The following ACAN variants were observed in gnomAD, a reference collection of about 807,000 sequenced individuals.
ACAN encodes aggrecan.
ACAN carries 47 observed loss-of-function variants against 169.1 expected under a neutral mutation model. The ratio of observed to expected loss-of-function variants is 0.28; its 90% confidence interval spans 0.22 to 0.35. The LOEUF (loss-of-function observed/expected upper bound fraction) is 0.35, where lower values mean the gene tolerates loss of function less well. Among genes scored for constraint, ACAN ranks in the 10% least tolerant of loss-of-function variants. The probability of loss-of-function intolerance (pLI) is 1.00; values close to 1 mark genes in which losing one functional copy is unlikely to be tolerated. For synonymous variants in ACAN, 1,115 were observed against 1,112.2 expected, an observed-to-expected ratio of 1.00 and a Z score of -0.05; for missense variants, 2,716 against 2,759.9, an observed-to-expected ratio of 0.98 and a Z score of 0.36.
chr15:88,858,434 C>G lies in ACAN; in HGVS notation c.5849C>G (p.Thr1950Arg), dbSNP rs763076469. ...GTGGAATCTGTAACCCAGGCTCCAA[C>G]AGCCCAAGAGGCAGGAGAAGGGCCT... ...TLVESVTQAP[T>R]AQEAGEGPSG... The change falls in exon 12 of 19, where the codon ACA becomes AGA. Residue 1950 changes from threonine to arginine, a missense_variant. Thr to Arg is a moderately conservative substitution (Grantham distance 71). Transcript: ENST00000560601. The surrounding 1 kb of genome is among the most constrained non-coding windows in gnomAD (Gnocchi z 4.0). The G allele has an allele frequency of 9.3e-6, 15 of 1,613,598 alleles. No individual in the cohort carries two copies. The highest frequency in any genetic ancestry group is 1.3e-5 in the Non-Finnish European group (15 of 1,179,906).
chr15:88,874,546 AC>A lies in ACAN; in HGVS notation c.*68del. The A allele has an allele frequency of 7.2e-7, 1 of 1,391,368 alleles. No individual in the cohort carries two copies. Among genetic ancestry groups the A allele is most frequent in the Non-Finnish European group, 1.0e-6 (1 of 999,610 alleles). 86.2% of individuals were successfully genotyped at this position (1,391,368 alleles called of 1,614,324 possible). Reference sequence around the variant, plus strand: ...AGCCTGCCAGGCTGACGTGCATCCCACCCAGACGGTGTCCTCTTCTTGTCGC... The same window carrying A: ...AGCCTGCCAGGCTGACGTGCATCCCACCAGACGGTGTCCTCTTCTTGTCGC... On this transcript the variant is annotated 3_prime_UTR_variant, in exon 19 of 19. Transcript: ENST00000560601. This position sits in a 1 kb window ranked among gnomAD's most constrained non-coding sequence, Gnocchi z 7.3.
rs1897369352 is a variant in ACAN at position 88,871,155 on chromosome 15, G to A, written c.7061-227G>A. Among the ~76,000 whole-genome samples the A allele has an allele frequency of 6.6e-6, 1 of 152,036 alleles. No individual in the cohort carries two copies. Among genetic ancestry groups the A allele is most frequent in the South Asian group, 2.1e-4 (1 of 4,830 alleles). On this transcript the variant is annotated intron_variant, in intron 14 of 18. Transcript: ENST00000560601. The surrounding 1 kb of genome is among the most constrained non-coding windows in gnomAD (Gnocchi z 7.8). ...GGTGAGGGGGGAGGGCGTGGCATCA[G>A]GGAAGGAAAGGGCCCCTGGCATTTT...
chr15:88,865,383 A>G (rs1421003512), intron 13 of ACAN, among the ~76,000 whole-genome samples: 1 of 152,056 alleles, frequency 6.6e-6, no homozygotes, highest in African/African-American at 2.4e-5. Flanking sequence ...TGTCTCCCCA[A>G]CACCCAGGTT....
intron 1 of ACAN, among the ~76,000 whole-genome samples, chr15:88,819,525 G>A (rs1032118593): frequency 4.6e-5 from 7 of 151,068 alleles, no homozygotes; most frequent in Non-Finnish European, 4.4e-5. Flanking sequence ...CACTTTGGAA[G>A]GTTGAGGTGG....
rs551596097 is a variant in ACAN, at chr15:88,849,207, C to T, written c.1733-231C>T. On this transcript the variant is annotated intron_variant, in intron 9 of 18. Coordinates refer to ENST00000560601, the MANE Select transcript of ACAN (RefSeq NM_001369268.1). This position sits in a 1 kb window ranked among gnomAD's most constrained non-coding sequence, Gnocchi z 5.1. ...ACGGGAATTTTGCCTTTTTTGGCAC[C>T]GAAAGTCCTATGTACCGGGAAACCC... Among the ~76,000 whole-genome samples, 4 of 152,252 alleles carry T rather than the reference C, an allele frequency of 2.6e-5. No individual in the cohort carries two copies. The highest frequency in any genetic ancestry group is 6.5e-5 in the Admixed American group (1 of 15,296).
Position 88,858,038 on chromosome 15 carries a change from G to A in ACAN, c.5453G>A (p.Gly1818Asp), listed in dbSNP as rs776385464. ...TCAGGAGTCCCTGACCTGGTTTCTG[G>A]TACCACGAGTGGCAGCGGTGAATCT... ...ATSGVPDLVS[G>D]TTSGSGESSG... Residue 1818 changes from glycine (G) to aspartate (D), a missense_variant, in exon 12 of 19, where the codon GGT (glycine) becomes GAT (aspartate). Around this residue, in one of 3 missense-constraint regions of ACAN, gnomAD observed 1,389 missense variants for 1,363.7 expected, o/e 1.02. Coordinates refer to ENST00000560601, the MANE Select transcript of ACAN (RefSeq NM_001369268.1). This position sits in a 1 kb window ranked among gnomAD's most constrained non-coding sequence, Gnocchi z 4.0. 6.2e-7 allele frequency: 1 copy of A among 1,613,962 alleles called. No homozygotes were observed. Among genetic ancestry groups the A allele is most frequent in the Non-Finnish European group, 8.5e-7 (1 of 1,179,902 alleles).
In ACAN at chr15:88,874,582, T is replaced by C. The variant is rs1003544994; in HGVS notation, c.*101T>C. ...GTCCTCTTCTTGTCGCTTTTTGTCA[T>C]ATAAGGAATCCCATTAAAGAAGGAA... On this transcript the variant is annotated 3_prime_UTR_variant, in exon 19 of 19. Transcript: ENST00000560601. This position sits in a 1 kb window ranked among gnomAD's most constrained non-coding sequence, Gnocchi z 7.3. 1.8e-6 allele frequency: 2 copies of C among 1,131,418 alleles called. No individual in the cohort carries two copies. Among genetic ancestry groups the C allele is most frequent in the African/African-American group, 1.5e-5 (1 of 64,790 alleles). The allele number at this position is 1,131,418 out of a possible 1,614,324, so 70.1% of individuals were successfully genotyped here.
intron 13 of ACAN, among the ~76,000 whole-genome samples, chr15:88,867,626 G>A (rs1407136129): frequency 6.6e-6 from 1 of 152,172 alleles, no homozygotes; most frequent in East Asian, 1.9e-4. Flanking sequence ...TGCAGCCCAA[G>A]AACTCTGATG....
intron 1 of ACAN, among the ~76,000 whole-genome samples, chr15:88,821,878 T>A (rs975499888): frequency 6.6e-6 from 1 of 152,122 alleles, no homozygotes; most frequent in Non-Finnish European, 1.5e-5. Context: ...CAGTTACGGT[T>A]TATTACAGCA....
intron 1 of ACAN, among the ~76,000 whole-genome samples, chr15:88,811,937 T>C (rs1895831490): frequency 1.3e-5 from 2 of 148,770 alleles, no homozygotes; most frequent in Admixed American, 1.3e-4. Flanking sequence ...GCAGCCTTGT[T>C]CTGAGATTCC....
chr15:88,850,127 T>G lies in ACAN; in HGVS notation c.2026+396T>G. Reference sequence around the variant, plus strand: ...GGCATAGTGCCTGGGACACAGTAAATGCTCAATAAATGTTAGCTTTATTTC... The same window carrying G: ...GGCATAGTGCCTGGGACACAGTAAAGGCTCAATAAATGTTAGCTTTATTTC... On this transcript the variant is annotated intron_variant, in intron 10 of 18. Coordinates refer to ENST00000560601, the MANE Select transcript of ACAN (RefSeq NM_001369268.1). 3.9e-6 allele frequency: 2 copies of G among 511,062 alleles called. 1 individual carries two copies. The highest frequency in any genetic ancestry group is 6.6e-5 in the South Asian group (2 of 30,416). The allele number at this position is 511,062 out of a possible 1,614,324, so 31.7% of individuals were successfully genotyped here. A position where few individuals can be genotyped will look rare whatever the true frequency, so the allele number is the denominator to read the frequency against.
chr15:88,809,983 G>A (rs961002146), intron 1 of ACAN, among the ~76,000 whole-genome samples: 5 of 152,212 alleles, frequency 3.3e-5, no homozygotes, highest in Admixed American at 6.5e-5. Context: ...GGTGGATTTG[G>A]GTAAACTGTC....
At chr15:88,829,885 T>TC (rs2141540197) in intron 1 of ACAN, among the ~76,000 whole-genome samples, 1 of 152,348 alleles carries the variant, frequency 6.6e-6, no homozygotes, top group Non-Finnish European at 1.5e-5. Flanking sequence ...GACTTGATTT[T>TC]CAAACTCTAG....
chr15:88,840,320 C>T (rs1422320189), intron 4 of ACAN, 134 bp downstream of exon 4: 12 of 1,139,450 alleles, frequency 1.1e-5, no homozygotes, highest in South Asian at 3.5e-5. Context: ...GGTTAGAGGC[C>T]GTGGTCACAC....
rs535542628 is a variant in ACAN, at chr15:88,861,642, G to A, written c.6946+1203G>A. ...GGGTGGGCTATCCTGGGAAGGTCCC[G>A]GGCTTACTGCAGAAGGGGACAGCAT... On this transcript the variant is annotated intron_variant, in intron 13 of 18. Transcript: ENST00000560601. This position sits in a 1 kb window ranked among gnomAD's most constrained non-coding sequence, Gnocchi z 6.3. Among the ~76,000 whole-genome samples the A allele has an allele frequency of 1.9e-4, 29 of 152,138 alleles. No individual in the cohort carries two copies. Among genetic ancestry groups the A allele is most frequent in the Middle Eastern group, 3.4e-3 (1 of 294 alleles).
intron 1 of ACAN, among the ~76,000 whole-genome samples, chr15:88,817,791 T>C (rs1235064139): frequency 7.4e-6 from 1 of 135,280 alleles, no homozygotes; most frequent in East Asian, 2.2e-4. Flanking sequence ...GAGGCGGAGG[T>C]TGCAGTGAGC....
rs35652696 is a variant in ACAN, at chr15:88,849,571, C to T, written c.1866C>T (p.Cys622=). 5.3e-3 allele frequency: 8,544 copies of T among 1,607,860 alleles called. 386 individuals are homozygous for T. The African/African-American group carries it at 0.1, about 19-fold the overall frequency. Residue 622 remains cysteine, a synonymous_variant, in exon 10 of 19, where the codon TGC becomes TGT. Coordinates refer to ENST00000560601, the MANE Select transcript of ACAN (RefSeq NM_001369268.1). The surrounding 1 kb of genome is among the most constrained non-coding windows in gnomAD (Gnocchi z 5.1). ...YAAWSRGLDK[C]YAGWLADGSL... is the part of the protein sequence containing the mutation. ...CCTGGAGCCGCGGCCTGGACAAGTG[C>T]TATGCCGGCTGGCTGGCCGACGGCA...
In ACAN at chr15:88,858,714, G is replaced by T; in HGVS notation, c.6129G>T (p.Glu2043Asp). 6.2e-7 allele frequency: 1 copy of T among 1,613,924 alleles called. No homozygotes were observed. Among genetic ancestry groups the T allele is most frequent in the Non-Finnish European group, 8.5e-7 (1 of 1,179,892 alleles). Residue 2043 changes from glutamate to aspartate, a missense_variant, in exon 12 of 19, where the codon GAG becomes GAT. By Grantham distance (45) the Glu-to-Asp change is conservative. Around this residue, in one of 3 missense-constraint regions of ACAN, gnomAD observed 1,389 missense variants for 1,363.7 expected, o/e 1.02. Transcript: ENST00000560601. This position sits in a 1 kb window ranked among gnomAD's most constrained non-coding sequence, Gnocchi z 4.0. Reference sequence around the variant, plus strand: ...CTTTAATCACTTCTGAGTTCGTGGAGGGTGTTACTGAACCAACTATTTCTC... The same window carrying T: ...CTTTAATCACTTCTGAGTTCGTGGATGGTGTTACTGAACCAACTATTTCTC... The part of the protein sequence containing the change: ...EVTLITSEFV[E>D]GVTEPTISQE...
intron 6 of ACAN, among the ~76,000 whole-genome samples, chr15:88,844,294 C>CTTTTTTTTTTTT (rs71149235): frequency 9.6e-6 from 1 of 104,690 alleles, no homozygotes; most frequent in Non-Finnish European, 1.9e-5. Flanking sequence ...CCATGCTTTG[C>CTTTTTTTTTTTT]TTTTTTTTTT....
Sources: allele counts gnomAD v4.1 joint callset (sites outside exome capture counted in the v4.1 genomes callset), GRCh38; gene constraint gnomAD v4.1.1; regional missense constraint gnomAD v4.1.1; non-coding constraint Gnocchi (gnomAD v3.1); transcripts MANE v1.5; gene names NCBI Gene and HGNC (gene_info 2026-07-23, HGNC 2026-07-21).